NFIB: variants seen among roughly 807,000 people sequenced by gnomAD.
NFIB encodes nuclear factor 1 B-type.
In NFIB, 11 loss-of-function variants were observed where a neutral mutation model predicts 61.5. The ratio of observed to expected loss-of-function variants is 0.18; its 90% confidence interval spans 0.11 to 0.30. NFIB has a LOEUF of 0.30. Among genes scored for constraint, NFIB ranks in the 10% least tolerant of loss-of-function variants. The probability of loss-of-function intolerance (pLI) is 1.00; values close to 1 mark genes in which losing one functional copy is unlikely to be tolerated. For missense variants in NFIB, 471 were observed against 608.9 expected, an observed-to-expected ratio of 0.77 and a Z score of 2.38; for synonymous variants, 260 against 216.5, an observed-to-expected ratio of 1.20 and a Z score of -1.76.
At chr9:14,298,900 G>T (rs927523) in intron 2 of NFIB, among the ~76,000 whole-genome samples, 6 of 152,198 alleles carry the variant, frequency 3.9e-5, no homozygotes, top group South Asian at 2.1e-4. Flanking sequence ...AGTTGCATCA[G>T]GTAGCAGGGT....
intron 1 of NFIB, among the ~76,000 whole-genome samples, chr9:14,384,410 T>C (rs1396231514): frequency 6.6e-6 from 1 of 152,236 alleles, no homozygotes; most frequent in Non-Finnish European, 1.5e-5. Flanking sequence ...ACCATGATAC[T>C]TGATAGCTCA....
At chr9:14,322,560 TTTCTCCGGCTCGCGGCCCG>T (rs1332550404) in intron 1 of NFIB, among the ~76,000 whole-genome samples, 1 of 151,998 alleles carries the variant, frequency 6.6e-6, no homozygotes, top group Non-Finnish European at 1.5e-5. Flanking sequence ...TGGCTTTCTC[TTTCTCCGGCTCGCGGCCCG>T]CCCCGCCCCA....
At chr9:14,346,784 G>A (rs976244277) in intron 1 of NFIB, among the ~76,000 whole-genome samples, 14 of 152,174 alleles carry the variant, frequency 9.2e-5, no homozygotes, top group Admixed American at 1.3e-4. Context: ...ACCTTGAGGG[G>A]GGGATCTTTT....
At chr9:14,398,648 C>T (rs1029457424) in exon 1 of NFIB, 14 of 1,501,352 alleles carry the variant, frequency 9.3e-6, no homozygotes, top group African/African-American at 1.4e-5. Flanking sequence ...AACGGATTCC[C>T]GACAAGAAGC....
At chr9:14,400,768 G>A (rs1388309126), upstream of NFIB, among the ~76,000 whole-genome samples, 1 of 152,190 alleles carries the variant, frequency 6.6e-6, no homozygotes. Context: ...GAGAAAAAGT[G>A]GATCAGGACT....
At chr9:14,496,094 A>G in the NFIB span, among the ~76,000 whole-genome samples, 1 of 152,212 alleles carries the variant, frequency 6.6e-6, no homozygotes, top group African/African-American at 2.4e-5. Context: ...AGTAGTAAGC[A>G]CTCAATAAAT....
chr9:14,181,427 ATC>A (rs1563872762), intron 2 of NFIB, among the ~76,000 whole-genome samples: 1 of 152,106 alleles, frequency 6.6e-6, no homozygotes, highest in Non-Finnish European at 1.5e-5. Flanking sequence ...CTCTCTGAAA[ATC>A]TCTCTCATCT....
Position 14,087,703 on chromosome 9 carries a change from A to T in NFIB, c.*606T>A, listed in dbSNP as rs976329621. 3 of 216,820 alleles carry T rather than the reference A, an allele frequency of 1.4e-5. No individual in the cohort carries two copies. The highest frequency in any genetic ancestry group is 6.8e-5 in the East Asian group (1 of 14,782). The allele number at this position is 216,820 out of a possible 1,614,324, so 13.4% of individuals were successfully genotyped here. A position where few individuals can be genotyped will look rare whatever the true frequency, so the allele number is the denominator to read the frequency against. The stretch of plus-strand genomic sequence containing the variant: ...ACTAAAGGCTACAGAGATTTCATAT[A>T]TTTTTTTTAACTTTTAGAAATCAGA... On this transcript the variant is annotated 3_prime_UTR_variant, in exon 11 of 11. Transcript: ENST00000380953.
the NFIB span, among the ~76,000 whole-genome samples, chr9:14,421,748 C>G: frequency 1.3e-5 from 2 of 152,200 alleles, no homozygotes; most frequent in Non-Finnish European, 2.9e-5. Context: ...CATTTTGATA[C>G]ACCTTTATAG....
chr9:14,200,043 C>T (rs1239036564), intron 2 of NFIB, among the ~76,000 whole-genome samples: 2 of 152,048 alleles, frequency 1.3e-5, no homozygotes, highest in African/African-American at 4.8e-5. Flanking sequence ...AATCCAGGGA[C>T]CTGGAGCCTG....
At chr9:14,438,027 T>TGC in the NFIB span, among the ~76,000 whole-genome samples, 4 of 151,186 alleles carry the variant, frequency 2.6e-5, no homozygotes, top group East Asian at 3.9e-4. Flanking sequence ...TGTGTGTGTG[T>TGC]GTGCGCGTAT....
At chr9:14,461,463 G>A in the NFIB span, among the ~76,000 whole-genome samples, 27 of 152,248 alleles carry the variant, frequency 1.8e-4, no homozygotes, top group Non-Finnish European at 2.4e-4. Context: ...TTACAAATCA[G>A]CCTCTATCAG....
chr9:14,447,634 A>G, the NFIB span, among the ~76,000 whole-genome samples: 3 of 152,096 alleles, frequency 2.0e-5, no homozygotes, highest in Non-Finnish European at 4.4e-5. Context: ...TTTTCTTTGT[A>G]GTTTTCTGGT....
At position 14,373,623 on chromosome 9, in the gene NFIB, G is replaced by T. The variant is rs187967490; in HGVS notation, c.108+24901C>A. Among the ~76,000 whole-genome samples the T allele has an allele frequency of 2.2e-3, 326 of 148,380 alleles. 2 individuals carry two copies. The highest frequency in any genetic ancestry group is 4.0e-3 in the Non-Finnish European group (272 of 67,476). ...TTTCTTGTAGAAAGACATTTAAAGGGCTGTGTGTGTCCACATGAGTGTGTG... is the reference window on the plus strand; with the variant it reads ...TTTCTTGTAGAAAGACATTTAAAGGTCTGTGTGTGTCCACATGAGTGTGTG... On this transcript the variant is annotated intron_variant, in intron 1 of 8. Coordinates refer to the NFIB transcript ENST00000380934.
intron 3 of NFIB, among the ~76,000 whole-genome samples, chr9:14,176,144 T>C (rs1468812201): frequency 6.6e-6 from 1 of 151,978 alleles, no homozygotes; most frequent in Non-Finnish European, 1.5e-5. Flanking sequence ...AAAAAGAGAT[T>C]CATGTCTAAG....
At chr9:14,205,445 C>G (rs1022675310) in intron 2 of NFIB, among the ~76,000 whole-genome samples, 1 of 151,642 alleles carries the variant, frequency 6.6e-6, no homozygotes, top group East Asian at 1.9e-4. Context: ...ACGATATATA[C>G]ACAAGGTATA....
the NFIB span, among the ~76,000 whole-genome samples, chr9:14,520,238 C>G: frequency 1.3e-5 from 2 of 152,256 alleles, no homozygotes; most frequent in East Asian, 3.9e-4. Context: ...TTTTCAATGA[C>G]CAATTAAATA....
intron 6 of NFIB, among the ~76,000 whole-genome samples, chr9:14,133,950 C>A (rs934757753): frequency 6.6e-6 from 1 of 152,094 alleles, no homozygotes; most frequent in Non-Finnish European, 1.5e-5. Flanking sequence ...ACCAAGCAGG[C>A]TCTGCCTTTA....
chr9:14,420,445 C>CAAAAAAAA, the NFIB span, among the ~76,000 whole-genome samples: 178 of 42,408 alleles, frequency 4.2e-3, 21 homozygotes, highest in Non-Finnish European at 5.9e-3. Context: ...GACTCCGTCT[C>CAAAAAAAA]AAAAAAAAAA....
Sources: allele counts gnomAD v4.1 joint callset (sites outside exome capture counted in the v4.1 genomes callset), GRCh38; gene constraint gnomAD v4.1.1; transcripts MANE v1.5; gene names NCBI Gene and HGNC (gene_info 2026-07-23, HGNC 2026-07-21).